The following PHKA2 variants were observed in gnomAD, a reference collection of about 807,000 sequenced individuals.
The protein encoded by PHKA2 is phosphorylase b kinase regulatory subunit alpha, liver isoform.
Under a neutral mutation model 102.0 loss-of-function variants are expected in PHKA2, and 31 were observed. That is an observed-to-expected ratio of 0.30 (90% CI 0.23 to 0.41). The LOEUF is 0.41. Ranked by LOEUF, PHKA2 falls within the 10% of genes least tolerant of loss-of-function variation. PHKA2 has a pLI of 1.00. For synonymous variants in PHKA2, 455 were observed against 416.2 expected, an observed-to-expected ratio of 1.09 and a Z score of -1.13; for missense variants, 858 against 1,023.1, an observed-to-expected ratio of 0.84 and a Z score of 2.20.
At chrX:18,941,415 T>C in intron 8 of PHKA2, 114 bp downstream of exon 8, 2 of 678,640 alleles carry the variant, frequency 2.9e-6, no homozygotes, top group East Asian at 3.2e-5. Context: ...TTGAACGCTG[T>C]ATGCATCTGC....
intron 14 of PHKA2, 152 bp downstream of exon 14, chrX:18,926,301 C>T (rs755073211): frequency 1.9e-5 from 10 of 540,442 alleles, no homozygotes; most frequent in East Asian, 1.3e-4. Flanking sequence ...CTGGTTTGCC[C>T]GTTCCTCTTC....
intron 5 of PHKA2, among the ~76,000 whole-genome samples, chrX:18,946,050 C>G (rs1601769196): frequency 9.1e-6 from 1 of 110,142 alleles, no homozygotes; most frequent in African/African-American, 3.3e-5. Flanking sequence ...GCCTCAGCCT[C>G]CCGAGTAGCT....
intron 19 of PHKA2, among the ~76,000 whole-genome samples, chrX:18,916,083 A>G (rs2048015554): frequency 8.9e-6 from 1 of 111,906 alleles, no homozygotes; most frequent in African/African-American, 3.2e-5. Flanking sequence ...GATCCTAAAC[A>G]CTTTCAAAGA....
rs1290868885 is a variant in PHKA2 at position 18,954,410 on chromosome X, A to G, written c.81T>C (p.Asn27=). The change falls in exon 2 of 33, where the codon AAT becomes AAC. Residue 27 remains asparagine, a splice_region_variant and synonymous_variant. Coordinates refer to ENST00000379942, the MANE Select transcript of PHKA2 (RefSeq NM_000292.3). ...LVQQTILCYQ[N]PVTGLLSASH... ...TGGCTGACAGCAGCCCCGTGACGGG[A>G]TTCTATTAGAGAAGAGACACAAAAT... 5.0e-6 allele frequency: 6 copies of G among 1,209,932 alleles called. No individual in the cohort carries two copies. The highest frequency in any genetic ancestry group is 6.7e-6 in the Non-Finnish European group (6 of 894,912).
intron 10 of PHKA2, among the ~76,000 whole-genome samples, chrX:18,937,297 T>C (rs1201307453): frequency 9.0e-6 from 1 of 110,774 alleles, no homozygotes; most frequent in Non-Finnish European, 1.9e-5. Flanking sequence ...CAGAGCATGG[T>C]ACCAAGTAGA....
intron 1 of PHKA2, among the ~76,000 whole-genome samples, chrX:18,980,261 G>T (rs761223085): frequency 6.2e-4 from 70 of 112,805 alleles, no homozygotes; most frequent in Non-Finnish European, 1.0e-3. Flanking sequence ...GGCCTCATGG[G>T]ACGGGAAAGA....
chrX:18,963,520 G>A (rs1273593729), intron 1 of PHKA2, among the ~76,000 whole-genome samples: 3 of 112,161 alleles, frequency 2.7e-5, no homozygotes, highest in African/African-American at 9.7e-5. Context: ...ATCCAGACAT[G>A]CCTGAATCTA....
chrX:18,965,413 T>C (rs2048925782), intron 1 of PHKA2, among the ~76,000 whole-genome samples: 1 of 111,780 alleles, frequency 8.9e-6, no homozygotes, highest in Non-Finnish European at 1.9e-5. Flanking sequence ...AACAGGGGTA[T>C]TACAGATGTC....
At chrX:18,919,974 C>A in intron 18 of PHKA2, 58 bp downstream of exon 18, 2 of 947,105 alleles carry the variant, frequency 2.1e-6, no homozygotes, top group Admixed American at 4.4e-5. Context: ...AATTTTATCA[C>A]AATGCTAAAG....
At chrX:18,925,219 A>G (rs4825279) in intron 15 of PHKA2, among the ~76,000 whole-genome samples, 1 of 112,264 alleles carries the variant, frequency 8.9e-6, no homozygotes, top group East Asian at 2.8e-4. Context: ...AATATTTTCT[A>G]TGTACTTCCA....
At chrX:18,927,282 T>G (rs1041302010) in intron 13 of PHKA2, among the ~76,000 whole-genome samples, 1 of 111,536 alleles carries the variant, frequency 9.0e-6, no homozygotes, top group African/African-American at 3.3e-5. Flanking sequence ...TGGGGGCCCA[T>G]GGAGGAGGGA....
intron 9 of PHKA2, 114 bp from the exon 10 acceptor site, chrX:18,938,863 A>G: frequency 1.5e-6 from 1 of 675,482 alleles, no homozygotes; most frequent in Admixed American, 2.5e-5. Flanking sequence ...TGAAGTTGGC[A>G]TGAGTAGGAT....
chrX:18,929,617 T>A (rs956343639), intron 12 of PHKA2, among the ~76,000 whole-genome samples: 4 of 111,853 alleles, frequency 3.6e-5, no homozygotes, highest in African/African-American at 1.3e-4. Context: ...GTTGAGCCAC[T>A]GTATGCGCAC....
chrX:18,931,886 G>A (rs754851402), intron 11 of PHKA2, 138 bp from the exon 12 acceptor site: 1 of 545,492 alleles, frequency 1.8e-6, no homozygotes, highest in African/African-American at 2.2e-5. Flanking sequence ...CAGGAGGCTG[G>A]GGAGCAAGCC....
intron 29 of PHKA2, chrX:18,897,628 G>C: frequency 2.9e-6 from 1 of 343,788 alleles, no homozygotes; most frequent in Non-Finnish European, 5.1e-6. Context: ...ACGGGCTTGG[G>C]GGTCAGACTG....
At chrX:18,923,342 C>T (rs1013885231) in intron 17 of PHKA2, among the ~76,000 whole-genome samples, 3 of 111,491 alleles carry the variant, frequency 2.7e-5, no homozygotes, top group Admixed American at 9.5e-5. Context: ...GCCTGGTCCA[C>T]AGCATTCTCT....
chrX:18,916,812 C>T (rs1189624778), intron 19 of PHKA2, among the ~76,000 whole-genome samples: 2 of 111,516 alleles, frequency 1.8e-5, no homozygotes, highest in Non-Finnish European at 3.8e-5. Context: ...AATTAGACCT[C>T]TTTTCTTTAT....
chrX:18,968,215 A>C lies in PHKA2; in HGVS notation c.79-13803T>G, dbSNP rs1034503059. On this transcript the variant is annotated intron_variant, in intron 1 of 32. Coordinates refer to ENST00000379942, the MANE Select transcript of PHKA2 (RefSeq NM_000292.3). ...TGAGACCAGCCTTGGCAAAATAGCG[A>C]GACCTTGTCTCTACAAAAAATTAAA... Among the ~76,000 whole-genome samples, 9 of 111,791 alleles carry C rather than the reference A, an allele frequency of 8.1e-5. No individual in the cohort carries two copies. The East Asian group carries it at 2.5e-3, about 31-fold the overall frequency.
chrX:18,945,491 C>T (rs2048563285), intron 5 of PHKA2, among the ~76,000 whole-genome samples: 1 of 112,274 alleles, frequency 8.9e-6, no homozygotes, highest in South Asian at 3.7e-4. Context: ...AAAATGCTGC[C>T]TCTCTAGTCA....
Sources: allele counts gnomAD v4.1 joint callset (sites outside exome capture counted in the v4.1 genomes callset), GRCh38; gene constraint gnomAD v4.1.1; transcripts MANE v1.5; gene names NCBI Gene and HGNC (gene_info 2026-07-23, HGNC 2026-07-21).